The following OR2L13 variants were observed in gnomAD, a reference collection of about 807,000 sequenced individuals.
The protein encoded by OR2L13 is olfactory receptor 2L13.
In OR2L13, 14 loss-of-function variants were observed where a neutral mutation model predicts 15.3. The observed-to-expected ratio is 0.91, with a 90% CI of 0.60 to 1.43. The LOEUF is 1.43. Among genes scored for constraint, OR2L13 ranks in the 40% most tolerant of loss-of-function variants. The pLI, the probability that OR2L13 is intolerant of heterozygous loss-of-function variation, is 0.00. For synonymous variants in OR2L13, 152 were observed against 142.9 expected, an observed-to-expected ratio of 1.06 and a Z score of -0.45; for missense variants, 367 against 387.9, an observed-to-expected ratio of 0.95 and a Z score of 0.45.
At chr1:248,015,357 C>T in the OR2L13 span, among the ~76,000 whole-genome samples, 2 of 152,112 alleles carry the variant, frequency 1.3e-5, no homozygotes, top group Non-Finnish European at 1.5e-5. Flanking sequence ...GCCGTCCTTG[C>T]CTATACTCCG....
At chr1:247,990,500 T>A in the OR2L13 span, 2 of 1,574,308 alleles carry the variant, frequency 1.3e-6, no homozygotes, top group South Asian at 1.1e-5. Flanking sequence ...CCATTGTTCC[T>A]AAGATGGTTT....
chr1:247,956,233 T>C, the OR2L13 span, among the ~76,000 whole-genome samples: 1 of 152,170 alleles, frequency 6.6e-6, no homozygotes, highest in Non-Finnish European at 1.5e-5. Flanking sequence ...TTGTCAGGAT[T>C]GTCAAAGATC....
chr1:247,954,422 G>C, the OR2L13 span, among the ~76,000 whole-genome samples: 1 of 152,056 alleles, frequency 6.6e-6, no homozygotes, highest in Non-Finnish European at 1.5e-5. Context: ...CTGCTATTTT[G>C]TCTCATTACC....
At chr1:248,050,175 T>A in the OR2L13 span, among the ~76,000 whole-genome samples, 2 of 152,240 alleles carry the variant, frequency 1.3e-5, no homozygotes, top group South Asian at 4.1e-4. Flanking sequence ...CTACTCACTC[T>A]GAAATAGTGA....
At chr1:248,049,134 C>A in the OR2L13 span, among the ~76,000 whole-genome samples, 1 of 152,144 alleles carries the variant, frequency 6.6e-6, no homozygotes, top group Admixed American at 6.5e-5. Flanking sequence ...TCCTTGGTTC[C>A]CAACTCTGTC....
chr1:247,979,439 G>A, the OR2L13 span, among the ~76,000 whole-genome samples: 1 of 152,194 alleles, frequency 6.6e-6, no homozygotes, highest in Admixed American at 6.5e-5. Context: ...GTGATATTTT[G>A]CTGAGAATGA....
chr1:247,965,458 T>A, the OR2L13 span: 1 of 1,613,970 alleles, frequency 6.2e-7, no homozygotes, highest in Middle Eastern at 1.6e-4. Flanking sequence ...CTCTCTTCTC[T>A]TTGTCGTCAT....
At chr1:247,950,700 A>T in the OR2L13 span, among the ~76,000 whole-genome samples, 10 of 152,164 alleles carry the variant, frequency 6.6e-5, no homozygotes, top group East Asian at 1.7e-3. Flanking sequence ...TAAAAATTTT[A>T]AAAATTGAGC....
the OR2L13 span, among the ~76,000 whole-genome samples, chr1:248,034,395 A>G: frequency 2.0e-5 from 3 of 152,016 alleles, no homozygotes; most frequent in African/African-American, 7.3e-5. Flanking sequence ...TTAAAATCAG[A>G]AAGTATCAGT....
chr1:248,083,404 G>C, the OR2L13 span: 1 of 457,260 alleles, frequency 2.2e-6, no homozygotes, highest in Non-Finnish European at 3.9e-6. Context: ...TATATCATGG[G>C]GTTGTTTTAG....
the OR2L13 span, among the ~76,000 whole-genome samples, chr1:247,943,640 T>G: frequency 6.6e-6 from 1 of 152,168 alleles, no homozygotes. Context: ...TGGTTTGACT[T>G]GCACCTTTTT....
At chr1:247,978,382 G>A in the OR2L13 span, among the ~76,000 whole-genome samples, 1 of 152,184 alleles carries the variant, frequency 6.6e-6, no homozygotes, top group East Asian at 1.9e-4. Context: ...CCCATAGGTG[G>A]AATTACAGGC....
At chr1:248,076,810 A>G in the OR2L13 span, among the ~76,000 whole-genome samples, 2 of 152,048 alleles carry the variant, frequency 1.3e-5, no homozygotes, top group African/African-American at 4.8e-5. Flanking sequence ...TGACATCCTC[A>G]TTTCCTAATT....
At chr1:248,057,694 A>G in the OR2L13 span, among the ~76,000 whole-genome samples, 2 of 152,056 alleles carry the variant, frequency 1.3e-5, no homozygotes, top group African/African-American at 2.4e-5. Context: ...CTCATTTTCA[A>G]TGTATAAAGT....
chr1:247,990,040 GGTTTTC>G, the OR2L13 span, among the ~76,000 whole-genome samples: 5,889 of 151,948 alleles, frequency 0.039, 349 homozygotes, highest in African/African-American at 0.13. Context: ...ATAATTGTTT[GGTTTTC>G]TTTTTAGTTA....
chr1:248,065,591 C>CA, the OR2L13 span, among the ~76,000 whole-genome samples: 6 of 134,372 alleles, frequency 4.5e-5, no homozygotes, highest in Non-Finnish European at 9.6e-5. Context: ...CCCCTCCCCC[C>CA]ACCCCACCAC....
chr1:248,047,702 T>A, the OR2L13 span, among the ~76,000 whole-genome samples: 3 of 152,200 alleles, frequency 2.0e-5, no homozygotes, highest in Non-Finnish European at 4.4e-5. Flanking sequence ...CAGAGTTTTG[T>A]GAGAAGCAAA....
chr1:248,085,436 T>TAAATAAAATAA, the OR2L13 span, among the ~76,000 whole-genome samples: 1 of 84,552 alleles, frequency 1.2e-5, no homozygotes, highest in African/African-American at 4.5e-5. Context: ...TAAAATAAAA[T>TAAATAAAATAA]AATAAAATAA....
chr1:248,068,275 G>A, the OR2L13 span, among the ~76,000 whole-genome samples: 34 of 151,956 alleles, frequency 2.2e-4, no homozygotes, highest in Non-Finnish European at 3.7e-4. Context: ...CACCTCACAC[G>A]GCCGGGTACT....
Sources: gnomAD v4.1 joint callset for allele counts (sites outside exome capture counted in the v4.1 genomes callset) on GRCh38, gnomAD v4.1.1 for gene constraint, MANE v1.5 for transcripts, NCBI Gene and HGNC (gene_info 2026-07-23, HGNC 2026-07-21) for gene names.